The following USP17L7 variants were observed in gnomAD, a reference collection of about 807,000 sequenced individuals.
USP17L7 encodes inactive ubiquitin carboxyl-terminal hydrolase 17-like protein 7.
A neutral mutation model predicts 37.6 loss-of-function variants in USP17L7; 53 were observed. That is an observed-to-expected ratio of 1.41 (90% CI 1.13 to 1.77). USP17L7 has a LOEUF of 1.77. USP17L7 is among the 40% of genes most tolerant of loss of function. The pLI is 0.00. For missense variants in USP17L7, 914 were observed against 645.0 expected, an observed-to-expected ratio of 1.42 and a Z score of -4.52; for synonymous variants, 330 against 251.0, an observed-to-expected ratio of 1.31 and a Z score of -2.98.
chr8:12,132,824 C>G lies in USP17L7; in HGVS notation c.1186G>C (p.Ala396Pro). ...GTTGCTGGCCTGTCTGTGTCTTCAG[C>G]ACCAAGGGCTCTTGGTTCCCTGCCT... The part of the protein sequence containing the change: ...SRGREPRALG[A>P]EDTDRPATQG... The change falls in exon 1 of 1, where the codon GCT (alanine) becomes CCT (proline). Residue 396 changes from alanine to proline, a missense_variant. By Grantham distance (27) the Ala-to-Pro change is conservative. Coordinates refer to ENST00000530447, the MANE Select transcript of USP17L7 (RefSeq NM_001256869.2). 1 of 1,520,090 alleles carries G rather than the reference C, an allele frequency of 6.6e-7. No individual in the cohort carries two copies. Among genetic ancestry groups the G allele is most frequent in the Non-Finnish European group, 9.0e-7 (1 of 1,116,870 alleles). The allele number at this position is 1,520,090 out of a possible 1,614,324, so 94.2% of individuals were successfully genotyped here. A position where few individuals can be genotyped will look rare whatever the true frequency, so the allele number is the denominator to read the frequency against.
At position 12,133,678 on chromosome 8, in the gene USP17L7, C is replaced by T. The variant is rs780392957; in HGVS notation, c.332G>A (p.Arg111Gln). ...AAGATGACACGTTTGAGAGTCCTCC[C>T]GGGACAGCATGTAGTTGGAAAGCGG... ...TLPLSNYMLS[R>Q]EDSQTCHLHK... The change falls in exon 1 of 1, where the codon CGG (arginine) becomes CAG (glutamine). Residue 111 changes from arginine to glutamine, a missense_variant. By Grantham distance (43) the Arg-to-Gln change is conservative. Coordinates refer to ENST00000530447, the MANE Select transcript of USP17L7 (RefSeq NM_001256869.2). 5.5e-5 allele frequency: 69 copies of T among 1,253,170 alleles called. 7 individuals are homozygous for T. Among genetic ancestry groups the T allele is most frequent in the South Asian group, 1.6e-4 (12 of 74,366 alleles). 77.6% of individuals were successfully genotyped at this position (1,253,170 alleles called of 1,614,324 possible). A position where few individuals can be genotyped will look rare whatever the true frequency, so the allele number is the denominator to read the frequency against.
In USP17L7 at chr8:12,132,927, A is replaced by G. The variant is rs1041852186; in HGVS notation, c.1083T>C (p.Ser361=). 2.6e-6 allele frequency: 4 copies of G among 1,524,636 alleles called. No individual in the cohort carries two copies. Among genetic ancestry groups the G allele is most frequent in the South Asian group, 1.2e-5 (1 of 80,948 alleles). The allele number at this position is 1,524,636 out of a possible 1,614,324, so 94.4% of individuals were successfully genotyped here. The change falls in exon 1 of 1, where the codon TCT becomes TCC. Residue 361 remains serine (S), a synonymous_variant. Transcript: ENST00000530447. ...DAEVTASGIT[S]VLSQQAYVLF... ...GGACATAGGCCTGTTGACTCAGGAC[A>G]GAGGTGATGCCAGAGGCAGTGACCT... is the stretch of plus-strand genomic sequence containing the variant.
Position 12,133,624 on chromosome 8 carries a change from T to A in USP17L7, c.386A>T (p.Gln129Leu). The A allele has an allele frequency of 2.4e-6, 3 of 1,237,002 alleles. No homozygotes were observed. The highest frequency in any genetic ancestry group is 3.5e-6 in the Non-Finnish European group (3 of 861,942). 76.6% of individuals were successfully genotyped at this position (1,237,002 alleles called of 1,614,324 possible). The change falls in exon 1 of 1, where the codon CAA (glutamine) becomes CTA (leucine). Residue 129 changes from glutamine to leucine, a missense_variant. Coordinates refer to ENST00000530447, the MANE Select transcript of USP17L7 (RefSeq NM_001256869.2). Reference protein sequence around the residue: ...LHKCCMFCTMQAHITWALHSP... With the variant: ...LHKCCMFCTMLAHITWALHSP... The stretch of plus-strand genomic sequence containing the variant: ...GTGGAGGGCCCATGTGATGTGAGCT[T>A]GCATAGTACAGAACATGCAGCACTT...
Position 12,133,168 on chromosome 8 carries a change from T to C in USP17L7, c.842A>G (p.Lys281Arg), listed in dbSNP as rs1219270383. 1 of 1,510,108 alleles carries C rather than the reference T, an allele frequency of 6.6e-7. No homozygotes were observed. Among genetic ancestry groups the C allele is most frequent in the South Asian group, 1.2e-5 (1 of 80,584 alleles). The allele number at this position is 1,510,108 out of a possible 1,614,324, so 93.5% of individuals were successfully genotyped here. A position where few individuals can be genotyped will look rare whatever the true frequency, so the allele number is the denominator to read the frequency against. ...TSAKVLILVL[K>R]RFSDVTGNKL... ...GTTGCCTGTGACATCGGAGAATCTC[T>C]TCAATACAAGAATGAGGACCTTGGC... Residue 281 changes from lysine (K) to arginine (R), a missense_variant, in exon 1 of 1, where the codon AAG (lysine) becomes AGG (arginine). Physicochemically the swap from Lys to Arg is conservative, Grantham distance 26. Coordinates refer to ENST00000530447, the MANE Select transcript of USP17L7 (RefSeq NM_001256869.2).
chr8:12,132,672 C>T lies in USP17L7; in HGVS notation c.1338G>A (p.Thr446=), dbSNP rs762444079. 2.0e-5 allele frequency: 31 copies of T among 1,543,370 alleles called. 3 individuals carry two copies. Among genetic ancestry groups the T allele is most frequent in the East Asian group, 1.5e-4 (6 of 38,882 alleles). ...HWKFPQEQNK[T]KPEFNVRKVE... is the part of the protein sequence containing the mutation. ...CTTTTCTGACGTTGAACTCAGGCTTCGTTTTGTTTTGCTCTTGGGGGAATT... is the reference window on the plus strand; with the variant it reads ...CTTTTCTGACGTTGAACTCAGGCTTTGTTTTGTTTTGCTCTTGGGGGAATT... The change falls in exon 1 of 1, where the codon ACG becomes ACA. Residue 446 remains threonine (T), a synonymous_variant. Coordinates refer to ENST00000530447, the MANE Select transcript of USP17L7 (RefSeq NM_001256869.2).
rs774768858 is a variant in USP17L7 at position 12,133,126 on chromosome 8, A to G, written c.884T>C (p.Val295Ala). Residue 295 changes from valine to alanine, a missense_variant, in exon 1 of 1, where the codon GTG becomes GCG. Val to Ala is a moderately conservative substitution (Grantham distance 64). Coordinates refer to ENST00000530447, the MANE Select transcript of USP17L7 (RefSeq NM_001256869.2). Reference sequence around the variant, plus strand: ...CATGTCACGGCACTTAGGATATTGCACATTCTTGGCAAGTTTGTTGCCTGT... The same window carrying G: ...CATGTCACGGCACTTAGGATATTGCGCATTCTTGGCAAGTTTGTTGCCTGT... ...DVTGNKLAKN[V>A]QYPKCRDMQP... 3 of 1,500,068 alleles carry G rather than the reference A, an allele frequency of 2.0e-6. No homozygotes were observed. Among genetic ancestry groups the G allele is most frequent in the Non-Finnish European group, 2.7e-6 (3 of 1,100,604 alleles). 92.9% of individuals were successfully genotyped at this position (1,500,068 alleles called of 1,614,324 possible).
Position 12,133,538 on chromosome 8 carries a change from G to T in USP17L7, c.472C>A (p.Gln158Lys), listed in dbSNP as rs766429651. 9.7e-6 allele frequency: 14 copies of T among 1,443,904 alleles called. 2 individuals carry two copies. The highest frequency in any genetic ancestry group is 1.3e-5 in the Non-Finnish European group (14 of 1,051,628). The allele number at this position is 1,443,904 out of a possible 1,614,324, so 89.4% of individuals were successfully genotyped here. A position where few individuals can be genotyped will look rare whatever the true frequency, so the allele number is the denominator to read the frequency against. The change falls in exon 1 of 1, where the codon CAG becomes AAG. Residue 158 changes from glutamine (Q) to lysine (K), a missense_variant. Physicochemically the swap from Gln to Lys is moderately conservative, Grantham distance 53. Coordinates refer to ENST00000530447, the MANE Select transcript of USP17L7 (RefSeq NM_001256869.2). ...ATGAGAAATTCATGGGCATCCTCCT[G>T]CTCACCTCTATGGAAGCCAGCAGCC... The part of the protein sequence containing the change: ...VLAAGFHRGE[Q>K]EDAHEFLMFT...
Position 12,133,427 on chromosome 8 carries a change from G to A in USP17L7, c.583C>T (p.Gln195Ter), listed in dbSNP as rs761498415. Residue 195 changes from glutamine (Q) to a stop codon, truncating the protein, a stop_gained, in exon 1 of 1, where the codon CAA becomes TAA. Coordinates refer to ENST00000530447, the MANE Select transcript of USP17L7 (RefSeq NM_001256869.2). LOFTEE classifies it high-confidence loss of function. Reference sequence around the variant, plus strand: ...GATCTCCAATACGCTCCAAATATTTGGTGGATGAGGGTGGTGTCCTTGGAG... The same window carrying A: ...GATCTCCAATACGCTCCAAATATTTAGTGGATGAGGGTGGTGTCCTTGGAG... ...HHSKDTTLIH[Q>*]IFGAYWRSQI... 2.7e-6 allele frequency: 4 copies of A among 1,454,984 alleles called. No homozygotes were observed. Among genetic ancestry groups the A allele is most frequent in the Non-Finnish European group, 3.8e-6 (4 of 1,066,570 alleles). 90.1% of individuals were successfully genotyped at this position (1,454,984 alleles called of 1,614,324 possible).
chr8:12,133,690 T>C lies in USP17L7; in HGVS notation c.320A>G (p.Tyr107Cys), dbSNP rs1403737001. 9 of 1,267,418 alleles carry C rather than the reference T, an allele frequency of 7.1e-6. 2 individuals carry two copies. The highest frequency in any genetic ancestry group is 1.0e-5 in the Non-Finnish European group (9 of 889,690). 78.5% of individuals were successfully genotyped at this position (1,267,418 alleles called of 1,614,324 possible). A position where few individuals can be genotyped will look rare whatever the true frequency, so the allele number is the denominator to read the frequency against. ...CLTYTLPLSN[Y>C]MLSREDSQTC... ...TTGAGAGTCCTCCCGGGACAGCATGTAGTTGGAAAGCGGCAGTGTGTATGT... is the reference window on the plus strand; with the variant it reads ...TTGAGAGTCCTCCCGGGACAGCATGCAGTTGGAAAGCGGCAGTGTGTATGT... Residue 107 changes from tyrosine (Y) to cysteine (C), a missense_variant, in exon 1 of 1, where the codon TAC (tyrosine) becomes TGC (cysteine). Transcript: ENST00000530447.
In USP17L7 at chr8:12,132,439, C is replaced by T; in HGVS notation, c.1571G>A (p.Arg524Lys). ...TGATCACTGGCACACAAGCAGAGAT[C>T]TCTTGCTGTGTTTGTTATTCCCTTT... ...RSKGNNKHSK[R>K]SLLVCQ is the part of the protein sequence containing the mutation. The change falls in exon 1 of 1, where the codon AGA becomes AAA. Residue 524 changes from arginine (R) to lysine (K), a missense_variant. By Grantham distance (26) the Arg-to-Lys change is conservative. Coordinates refer to ENST00000530447, the MANE Select transcript of USP17L7 (RefSeq NM_001256869.2). 2 of 1,428,640 alleles carry T rather than the reference C, an allele frequency of 1.4e-6. 1 individual carries two copies. The highest frequency in any genetic ancestry group is 1.9e-6 in the Non-Finnish European group (2 of 1,037,196). 88.5% of individuals were successfully genotyped at this position (1,428,640 alleles called of 1,614,324 possible). A position where few individuals can be genotyped will look rare whatever the true frequency, so the allele number is the denominator to read the frequency against.
rs1275653104 is a variant in USP17L7, at chr8:12,133,560, A to G, written c.450T>C (p.Ala150=). Residue 150 remains alanine (A), a synonymous_variant, in exon 1 of 1, where the codon GCT becomes GCC. Transcript: ENST00000530447. ...GHVIQPSQVL[A]AGFHRGEQED... Reference sequence around the variant, plus strand: ...CCTGCTCACCTCTATGGAAGCCAGCAGCCAATACCTGTGAGGGCTGGATGA... The same window carrying G: ...CCTGCTCACCTCTATGGAAGCCAGCGGCCAATACCTGTGAGGGCTGGATGA... 2 of 1,401,860 alleles carry G rather than the reference A, an allele frequency of 1.4e-6. No homozygotes were observed. Among genetic ancestry groups the G allele is most frequent in the East Asian group, 2.6e-5 (1 of 37,788 alleles). The allele number at this position is 1,401,860 out of a possible 1,614,324, so 86.8% of individuals were successfully genotyped here. A position where few individuals can be genotyped will look rare whatever the true frequency, so the allele number is the denominator to read the frequency against.
rs2150623066 is a variant in USP17L7 at position 12,133,718 on chromosome 8, G to C, written c.292C>G (p.Leu98Val). Reference protein sequence around the residue: ...TFYVNVSLQCLTYTLPLSNYM... With the variant: ...TFYVNVSLQCVTYTLPLSNYM... ...TTGGAAAGCGGCAGTGTGTATGTCA[G>C]GCACTGCAGGGAAACGTTCACATAG... The change falls in exon 1 of 1, where the codon CTG becomes GTG. Residue 98 changes from leucine to valine, a missense_variant. By Grantham distance (32) the Leu-to-Val change is conservative. Transcript: ENST00000530447. 2 of 1,322,112 alleles carry C rather than the reference G, an allele frequency of 1.5e-6. 1 individual carries two copies. The allele number at this position is 1,322,112 out of a possible 1,614,324, so 81.9% of individuals were successfully genotyped here.
rs760084110 is a variant in USP17L7, at chr8:12,133,759, T to A, written c.251A>T (p.Lys84Met). 8.9e-6 allele frequency: 13 copies of A among 1,460,628 alleles called. 1 individual carries two copies. The Admixed American group carries it at 2.1e-4, about 24-fold the overall frequency. 90.5% of individuals were successfully genotyped at this position (1,460,628 alleles called of 1,614,324 possible). Residue 84 changes from lysine to methionine, a missense_variant, in exon 1 of 1, where the codon AAG (lysine) becomes ATG (methionine). By Grantham distance (95) the Lys-to-Met change is moderately conservative. Coordinates refer to ENST00000530447, the MANE Select transcript of USP17L7 (RefSeq NM_001256869.2). ...RPAAVGAGLQ[K>M]IGNTFYVNVS... ...GTTCACATAGAAGGTATTTCCTATC[T>A]TCTGGAGCCCAGCCCCCACCGCAGC...
rs766989492 is a variant in USP17L7 at position 12,133,387 on chromosome 8, A to G, written c.623T>C (p.Leu208Pro). 4.1e-6 allele frequency: 6 copies of G among 1,461,676 alleles called. 1 individual carries two copies. Among genetic ancestry groups the G allele is most frequent in the Non-Finnish European group, 5.6e-6 (6 of 1,073,384 alleles). The allele number at this position is 1,461,676 out of a possible 1,614,324, so 90.5% of individuals were successfully genotyped here. A position where few individuals can be genotyped will look rare whatever the true frequency, so the allele number is the denominator to read the frequency against. Residue 208 changes from leucine to proline, a missense_variant, in exon 1 of 1, where the codon CTC becomes CCC. Leu to Pro is a moderately conservative substitution (Grantham distance 98, BLOSUM62 -3). Coordinates refer to ENST00000530447, the MANE Select transcript of USP17L7 (RefSeq NM_001256869.2). ...GAYWRSQIKYLHCHGVSDTFD... is the reference protein window; with the variant it reads ...GAYWRSQIKYPHCHGVSDTFD... ...GGTGTCTGAAACGCCGTGGCAGTGG[A>G]GATACTTGATTTGAGATCTCCAATA...
In USP17L7 at chr8:12,133,654, A is replaced by G; in HGVS notation, c.356T>C (p.Leu119Pro). The G allele has an allele frequency of 1.6e-6, 2 of 1,230,350 alleles. No individual in the cohort carries two copies. Among genetic ancestry groups the G allele is most frequent in the South Asian group, 1.4e-5 (1 of 73,974 alleles). 76.2% of individuals were successfully genotyped at this position (1,230,350 alleles called of 1,614,324 possible). A position where few individuals can be genotyped will look rare whatever the true frequency, so the allele number is the denominator to read the frequency against. Residue 119 changes from leucine (L) to proline (P), a missense_variant, in exon 1 of 1, where the codon CTT becomes CCT. Leu to Pro is a moderately conservative substitution (Grantham distance 98, BLOSUM62 -3). Coordinates refer to ENST00000530447, the MANE Select transcript of USP17L7 (RefSeq NM_001256869.2). ...AGTACAGAACATGCAGCACTTGTGA[A>G]GATGACACGTTTGAGAGTCCTCCCG... ...LSREDSQTCH[L>P]HKCCMFCTMQ...
In USP17L7 at chr8:12,134,068, G is replaced by C. The variant is rs1466868820; in HGVS notation, c.-59C>G. 8.5e-6 allele frequency: 7 copies of C among 824,960 alleles called. No homozygotes were observed. Among genetic ancestry groups the C allele is most frequent in the African/African-American group, 1.7e-5 (1 of 59,416 alleles). The allele number at this position is 824,960 out of a possible 1,614,324, so 51.1% of individuals were successfully genotyped here. A position where few individuals can be genotyped will look rare whatever the true frequency, so the allele number is the denominator to read the frequency against. On this transcript the variant is annotated 5_prime_UTR_variant, in exon 1 of 1. Transcript: ENST00000530447. ...CTGGGACCGCAGGTTGCAGCAAGACGCTATCTCTTCCGAGAGAGTCTTCAA... is the reference window on the plus strand; with the variant it reads ...CTGGGACCGCAGGTTGCAGCAAGACCCTATCTCTTCCGAGAGAGTCTTCAA...
In USP17L7 at chr8:12,132,426, C is replaced by T. The variant is rs1172079262; in HGVS notation, c.1584G>A (p.Val528=). 32 of 1,414,134 alleles carry T rather than the reference C, an allele frequency of 2.3e-5. 2 individuals carry two copies. Among genetic ancestry groups the T allele is most frequent in the Non-Finnish European group, 2.8e-5 (29 of 1,024,488 alleles). The allele number at this position is 1,414,134 out of a possible 1,614,324, so 87.6% of individuals were successfully genotyped here. A position where few individuals can be genotyped will look rare whatever the true frequency, so the allele number is the denominator to read the frequency against. Residue 528 remains valine, a synonymous_variant, in exon 1 of 1, where the codon GTG becomes GTA. Transcript: ENST00000530447. ...GGTACTTCCACTGTGATCACTGGCACACAAGCAGAGATCTCTTGCTGTGTT... is the reference window on the plus strand; with the variant it reads ...GGTACTTCCACTGTGATCACTGGCATACAAGCAGAGATCTCTTGCTGTGTT... ...NNKHSKRSLL[V]CQ
rs753493917 is a variant in USP17L7 at position 12,133,642 on chromosome 8, C to T, written c.368G>A (p.Cys123Tyr). 3.4e-5 allele frequency: 42 copies of T among 1,227,832 alleles called. No homozygotes were observed. The highest frequency in any genetic ancestry group is 4.7e-5 in the Non-Finnish European group (40 of 853,642). The allele number at this position is 1,227,832 out of a possible 1,614,324, so 76.1% of individuals were successfully genotyped here. ...DSQTCHLHKC[C>Y]MFCTMQAHIT... Reference sequence around the variant, plus strand: ...GTGAGCTTGCATAGTACAGAACATGCAGCACTTGTGAAGATGACACGTTTG... The same window carrying T: ...GTGAGCTTGCATAGTACAGAACATGTAGCACTTGTGAAGATGACACGTTTG... Residue 123 changes from cysteine to tyrosine, a missense_variant, in exon 1 of 1, where the codon TGC (cysteine) becomes TAC (tyrosine). Physicochemically the swap from Cys to Tyr is radical, Grantham distance 194. Coordinates refer to ENST00000530447, the MANE Select transcript of USP17L7 (RefSeq NM_001256869.2).
rs1803083589 is a variant in USP17L7, at chr8:12,134,069, C to T, written c.-60G>A. The T allele has an allele frequency of 3.7e-6, 3 of 821,900 alleles. No homozygotes were observed. The highest frequency in any genetic ancestry group is 2.8e-5 in the East Asian group (1 of 35,828). The allele number at this position is 821,900 out of a possible 1,614,324, so 50.9% of individuals were successfully genotyped here. ...TGGGACCGCAGGTTGCAGCAAGACG[C>T]TATCTCTTCCGAGAGAGTCTTCAAA... On this transcript the variant is annotated 5_prime_UTR_variant, in exon 1 of 1. Coordinates refer to ENST00000530447, the MANE Select transcript of USP17L7 (RefSeq NM_001256869.2).
Sources: allele counts gnomAD v4.1 joint callset, GRCh38; gene constraint gnomAD v4.1.1; transcripts MANE v1.5; gene names NCBI Gene and HGNC (gene_info 2026-07-23, HGNC 2026-07-21).